Variants in IL36B observed in about 807,000 individuals in gnomAD.
The protein encoded by IL36B is interleukin 36 beta, also known as interleukin-36 beta.
IL36B carries 23 observed loss-of-function variants against 19.3 expected under a neutral mutation model. The ratio of observed to expected loss-of-function variants is 1.19; its 90% CI spans 0.86 to 1.69. The LOEUF (loss-of-function observed/expected upper bound fraction) is 1.69. IL36B is among the 40% of genes most tolerant of loss of function. The probability of loss-of-function intolerance (pLI) is 0.00; values close to 1 mark genes in which losing one functional copy is unlikely to be tolerated. For missense variants in IL36B, 217 were observed against 200.5 expected, an observed-to-expected ratio of 1.08 and a Z score of -0.50; for synonymous variants, 59 against 59.7, an observed-to-expected ratio of 0.99 and a Z score of 0.05.
rs777055659 is a variant in IL36B at position 113,031,095 on chromosome 2, C to T, written c.74G>A (p.Ser25Asn). Residue 25 changes from serine (S) to asparagine (N), a missense_variant, in exon 3 of 6, where the codon AGT (serine) becomes AAT (asparagine). Transcript: ENST00000259213. ...AGGAGCTGCTATTAAAGAATTTCCACTCAGGACCCACACCATCTGTCGAGA... is the reference window on the plus strand; with the variant it reads ...AGGAGCTGCTATTAAAGAATTTCCATTCAGGACCCACACCATCTGTCGAGA... The T allele has an allele frequency of 6.2e-7, 1 of 1,614,188 alleles. No homozygotes were observed. The highest frequency in any genetic ancestry group is 1.1e-5 in the South Asian group (1 of 91,082).
At chr2:113,024,752 A>G (rs17660913) in intron 5 of IL36B, among the ~76,000 whole-genome samples, 18,352 of 152,234 alleles carry the variant, frequency 0.12, 1,172 homozygotes, top group Middle Eastern at 0.16. Flanking sequence ...TGGGAAGCTG[A>G]TATTTATAAG....
intron 5 of IL36B, among the ~76,000 whole-genome samples, chr2:113,024,590 G>A (rs973721631): frequency 2.6e-5 from 4 of 152,138 alleles, no homozygotes; most frequent in Non-Finnish European, 5.9e-5. Context: ...AATATTTGAG[G>A]ACACCTCTTG....
chr2:113,028,294 C>T (rs1410928691), intron 4 of IL36B, among the ~76,000 whole-genome samples, 179 bp from the exon 5 acceptor site: 8 of 152,124 alleles, frequency 5.3e-5, no homozygotes, highest in Non-Finnish European at 8.8e-5. Context: ...ACTGGGTTCC[C>T]ATAGCCTGGC....
chr2:113,026,831 T>A (rs553481867), intron 4 of IL36B, among the ~76,000 whole-genome samples: 35 of 152,306 alleles, frequency 2.3e-4, no homozygotes, highest in Non-Finnish European at 4.7e-4. Flanking sequence ...CTGAAAGAAA[T>A]TAAAGCCAAT....
chr2:113,026,292 A>T, intron 4 of IL36B: 1 of 1,605,716 alleles, frequency 6.2e-7, no homozygotes, highest in African/African-American at 1.3e-5. Flanking sequence ...ACACTGTCTC[A>T]AAGTTGGTTG....
At chr2:113,046,349 A>G (rs1462693921) in intron 1 of IL36B, among the ~76,000 whole-genome samples, 1 of 151,884 alleles carries the variant, frequency 6.6e-6, no homozygotes, top group Non-Finnish European at 1.5e-5. Flanking sequence ...AGCTGGGACT[A>G]CAGACTCCCG....
intron 5 of IL36B, chr2:113,025,994 C>A (rs1684951507): frequency 6.7e-7 from 1 of 1,489,194 alleles, no homozygotes; most frequent in Admixed American, 2.1e-5. Context: ...TTAGACCTGC[C>A]ATGGGTGATT....
Position 113,022,672 on chromosome 2 carries a change from T to G in IL36B, c.*2A>C. On this transcript the variant is annotated 3_prime_UTR_variant, in exon 6 of 6. Coordinates refer to ENST00000259213, the MANE Select transcript of IL36B (RefSeq NM_014438.5). ...GAGATGGGAATCTTCCTCCCCTTATTTCTACATCCTTCCTGGCATTCCTAT... is the reference window on the plus strand; with the variant it reads ...GAGATGGGAATCTTCCTCCCCTTATGTCTACATCCTTCCTGGCATTCCTAT... 1 of 1,570,106 alleles carries G rather than the reference T, an allele frequency of 6.4e-7. No homozygotes were observed.
chr2:113,044,258 ATATGTGTGTGTG>A lies in IL36B; in HGVS notation c.-58+8547_-58+8558del, dbSNP rs765551445. Among the ~76,000 whole-genome samples, 947 of 131,400 alleles carry A rather than the reference ATATGTGTGTGTG, an allele frequency of 7.2e-3. 7 individuals carry two copies. The highest frequency in any genetic ancestry group is 0.022 in the African/African-American group (757 of 34,308). The allele number at this position is 131,400 out of a possible 152,430, so 86.2% of individuals were successfully genotyped here. A position where few individuals can be genotyped will look rare whatever the true frequency, so the allele number is the denominator to read the frequency against. On this transcript the variant is annotated intron_variant, in intron 1 of 5. Transcript: ENST00000259213. Reference sequence around the variant, plus strand: ...AATTTACTTTGATATATCTATATCTATATGTGTGTGTGTGTGTGTGTGTGTGTGTGTGTGTGT... The same window carrying A: ...AATTTACTTTGATATATCTATATCTATGTGTGTGTGTGTGTGTGTGTGTGT...
chr2:113,046,601 A>G lies in IL36B; in HGVS notation c.-58+6216T>C, dbSNP rs35943188. 4.8e-3 allele frequency among the ~76,000 whole-genome samples: 725 copies of G among 152,282 alleles called. 3 individuals carry two copies. Among genetic ancestry groups the G allele is most frequent in the African/African-American group, 0.017 (694 of 41,558 alleles). ...ATGTCTCCTTAGACTCCTCTTTGCT[A>G]TAAAAATTTCATAGGCTTTGTTTGT... On this transcript the variant is annotated intron_variant, in intron 1 of 5. Coordinates refer to ENST00000259213, the MANE Select transcript of IL36B (RefSeq NM_014438.5).
chr2:113,028,904 A>G (rs1558831429), intron 4 of IL36B, 35 bp downstream of exon 4: 1 of 1,606,476 alleles, frequency 6.2e-7, no homozygotes, highest in South Asian at 1.1e-5. Flanking sequence ...AGTCCATATG[A>G]CAGTACTTCT....
chr2:113,043,129 T>A (rs911208192), intron 1 of IL36B, among the ~76,000 whole-genome samples: 92 of 152,274 alleles, frequency 6.0e-4, no homozygotes, highest in African/African-American at 2.1e-3. Context: ...AAAAATTGTC[T>A]TTTTTGTTTC....
intron 1 of IL36B, among the ~76,000 whole-genome samples, chr2:113,036,186 T>G (rs1685164884): frequency 6.6e-6 from 1 of 152,142 alleles, no homozygotes; most frequent in Admixed American, 6.5e-5. Context: ...CCTCAAATGA[T>G]CTGCCTGCCT....
chr2:113,030,839 T>C (rs529299683), intron 3 of IL36B, among the ~76,000 whole-genome samples: 2 of 152,338 alleles, frequency 1.3e-5, no homozygotes, highest in South Asian at 4.1e-4. Context: ...TAAGAGGAGC[T>C]GTCAACCCTT....
intron 1 of IL36B, among the ~76,000 whole-genome samples, chr2:113,042,466 C>A (rs1396228637): frequency 6.6e-6 from 1 of 152,160 alleles, no homozygotes; most frequent in Non-Finnish European, 1.5e-5. Flanking sequence ...CTTCATGTCT[C>A]CTGGAATCTG....
At chr2:113,045,181 T>G (rs77976833) in intron 1 of IL36B, among the ~76,000 whole-genome samples, 3,600 of 152,302 alleles carry the variant, frequency 0.024, 271 homozygotes, top group East Asian at 0.23. Flanking sequence ...TTTCTTTCTG[T>G]GTGTGTCTGA....
At position 113,022,457 on chromosome 2, in the gene IL36B, T is replaced by C; in HGVS notation, c.*217A>G. 1 of 454,706 alleles carries C rather than the reference T, an allele frequency of 2.2e-6. No individual in the cohort carries two copies. 28.2% of individuals were successfully genotyped at this position (454,706 alleles called of 1,614,324 possible). A position where few individuals can be genotyped will look rare whatever the true frequency, so the allele number is the denominator to read the frequency against. On this transcript the variant is annotated 3_prime_UTR_variant, in exon 6 of 6. Coordinates refer to ENST00000259213, the MANE Select transcript of IL36B (RefSeq NM_014438.5). ...GACTGGACAAAACACATTTACAGGT[T>C]ATGTAGTCCAAATCTACTCCTAAAA...
intron 1 of IL36B, among the ~76,000 whole-genome samples, chr2:113,036,384 TGAGTCTCCTTTAAG>T (rs1263668367): frequency 1.3e-4 from 20 of 151,420 alleles, no homozygotes; most frequent in Admixed American, 4.0e-4. Flanking sequence ...AAGTGGGTGC[TGAGTCTCCTTTAAG>T]GAGATAAATA....
At chr2:113,031,254 G>A (rs772393084) in intron 2 of IL36B, 99 bp from the exon 3 acceptor site, 29 of 787,498 alleles carry the variant, frequency 3.7e-5, no homozygotes, top group Non-Finnish European at 6.3e-5. Flanking sequence ...TCTGGAGAGA[G>A]TCTCATTGCT....
Sources: gnomAD v4.1 joint callset for allele counts (sites outside exome capture counted in the v4.1 genomes callset) on GRCh38, gnomAD v4.1.1 for gene constraint, MANE v1.5 for transcripts, NCBI Gene and HGNC (gene_info 2026-07-23, HGNC 2026-07-21) for gene names.